The following FAM9C variants were observed in gnomAD, a reference collection of about 807,000 sequenced individuals.
The protein encoded by FAM9C is family with sequence similarity 9 member C, also known as protein FAM9C.
In FAM9C, 15 loss-of-function variants were observed where a neutral mutation model predicts 14.8. That is an observed-to-expected ratio of 1.02 (90% CI 0.68 to 1.56). The LOEUF is 1.56. Ranked by LOEUF, FAM9C falls within the 40% of genes most tolerant of loss-of-function variation. The pLI is 0.00. For missense variants in FAM9C, 116 were observed against 118.0 expected (o/e 0.98, Z 0.08); for synonymous variants, 45 against 37.5 (o/e 1.20, Z -0.74).
At chrX:13,036,841 G>A (rs1275243001) in intron 7 of FAM9C, 1 of 111,962 alleles carries the variant, frequency 8.9e-6, no homozygotes, top group East Asian at 2.8e-4. Context: ...TAACTGCTGT[G>A]GAAGAGCAAC....
Position 13,043,112 on chromosome X carries a change from G to A in FAM9C, c.182+16C>T. The A allele has an allele frequency of 8.3e-7, 1 of 1,199,585 alleles. No individual in the cohort carries two copies. The highest frequency in any genetic ancestry group is 1.1e-6 in the Non-Finnish European group (1 of 891,404). On this transcript the variant is annotated intron_variant, in intron 3 of 7. Coordinates refer to ENST00000380625, the MANE Select transcript of FAM9C (RefSeq NM_174901.6). ...AAGACCTTATCTGACAGGCAAAAGG[G>A]ACTTAAACACTTTACCCCGTGTGTT...
At chrX:13,036,918 CA>C (rs1220638246) in intron 7 of FAM9C, 152 of 94,385 alleles carry the variant, frequency 1.6e-3, no homozygotes, top group South Asian at 5.5e-3. Flanking sequence ...TTCAATCGAT[CA>C]AAAAAAAAAA....
chrX:13,036,674 T>C (rs779969249), intron 7 of FAM9C: 2 of 111,845 alleles, frequency 1.8e-5, no homozygotes, highest in African/African-American at 6.5e-5. Flanking sequence ...GTTTGAAATA[T>C]ATACTATTCT....
At position 13,043,116 on chromosome X, in the gene FAM9C, T is replaced by TA. The variant is rs1569136505; in HGVS notation, c.182+11dup. On this transcript the variant is annotated intron_variant, in intron 3 of 7. Coordinates refer to ENST00000380625, the MANE Select transcript of FAM9C (RefSeq NM_174901.6). ...CCTTATCTGACAGGCAAAAGGGACT[T>TA]AAACACTTTACCCCGTGTGTTCATC... The TA allele has an allele frequency of 8.3e-7, 1 of 1,201,123 alleles. No homozygotes were observed. Among genetic ancestry groups the TA allele is most frequent in the Non-Finnish European group, 1.1e-6 (1 of 892,089 alleles).
chrX:13,042,931 T>C lies in FAM9C; in HGVS notation c.201A>G (p.Leu67=). The part of the protein sequence containing the change: ...DEHTGVDTKE[L]EDIAADIKEH... Reference sequence around the variant, plus strand: ...CGTAAAACATACCTGCAATATCTTCTAGCTCCTTGGTATCAACCCTGTAAC... The same window carrying C: ...CGTAAAACATACCTGCAATATCTTCCAGCTCCTTGGTATCAACCCTGTAAC... Residue 67 remains leucine (L), a synonymous_variant, in exon 4 of 8, where the codon CTA becomes CTG. Transcript: ENST00000380625. 1 of 1,201,215 alleles carries C rather than the reference T, an allele frequency of 8.3e-7. No homozygotes were observed. Among genetic ancestry groups the C allele is most frequent in the Non-Finnish European group, 1.1e-6 (1 of 891,382 alleles).
At chrX:13,043,273 C>T (rs374113404) in intron 2 of FAM9C, 25 bp from the exon 3 acceptor site, 2 of 1,181,670 alleles carry the variant, frequency 1.7e-6, no homozygotes, top group Non-Finnish European at 2.3e-6. Context: ...AAAAGACAAA[C>T]CTTTTTTAGA....
At chrX:13,036,728 T>G (rs749287352) in intron 7 of FAM9C, 1 of 111,703 alleles carries the variant, frequency 9.0e-6, no homozygotes, top group South Asian at 3.7e-4. Flanking sequence ...AAAAGTGGTA[T>G]GTTAATGCTG....
In FAM9C at chrX:13,038,416, C is replaced by T; in HGVS notation, c.*25G>A. 1 of 1,188,482 alleles carries T rather than the reference C, an allele frequency of 8.4e-7. No homozygotes were observed. Among genetic ancestry groups the T allele is most frequent in the Non-Finnish European group, 1.1e-6 (1 of 883,948 alleles). ...TATTGTGTTACCAAATAGAACAGAC[C>T]TTTGTGAATTGCTCGTGTGGTGGCT... On this transcript the variant is annotated splice_region_variant and 3_prime_UTR_variant, in exon 7 of 8. Transcript: ENST00000380625.
intron 7 of FAM9C, chrX:13,037,529 TA>T (rs2043489422): frequency 8.8e-6 from 1 of 113,138 alleles, no homozygotes; most frequent in African/African-American, 3.2e-5. Context: ...TCTATATAAA[TA>T]ACCGTTTTGT....
intron 4 of FAM9C, chrX:13,041,620 TAAAG>T (rs1248844618): frequency 6.2e-5 from 7 of 112,423 alleles, no homozygotes; most frequent in South Asian, 3.6e-4. Flanking sequence ...TAATACACAA[TAAAG>T]AAAGTATTTT....
intron 4 of FAM9C, chrX:13,041,142 T>C (rs1243722025): frequency 5.8e-6 from 1 of 171,908 alleles, no homozygotes; most frequent in African/African-American, 3.1e-5. Flanking sequence ...ATTTTTTAAG[T>C]GTGCAGAAAG....
In FAM9C at chrX:13,039,842, T is replaced by A; in HGVS notation, c.404A>T (p.Asp135Val). The change falls in exon 6 of 8, where the codon GAT (aspartate) becomes GTT (valine). Residue 135 changes from aspartate (D) to valine (V), a missense_variant. Transcript: ENST00000380625. Reference sequence around the variant, plus strand: ...TTCCTTTTCTCCATCTCCTTCCTCATCTTTCTGCTCATCTGTGATGAACTC... The same window carrying A: ...TTCCTTTTCTCCATCTCCTTCCTCAACTTTCTGCTCATCTGTGATGAACTC... ...LEEFITDEQK[D>V]EEGDGEKEEQ... 3.3e-6 allele frequency: 4 copies of A among 1,208,441 alleles called. No homozygotes were observed. The highest frequency in any genetic ancestry group is 4.5e-6 in the Non-Finnish European group (4 of 894,375).
chrX:13,036,153 A>G (rs1455077751), intron 7 of FAM9C, 135 bp from the exon 8 acceptor site: 1 of 112,511 alleles, frequency 8.9e-6, no homozygotes, highest in Non-Finnish European at 1.9e-5. Flanking sequence ...ATTTTGGAAC[A>G]TGGCAATTTA....
At chrX:13,037,454 T>C (rs1284551862) in intron 7 of FAM9C, 1 of 113,034 alleles carries the variant, frequency 8.8e-6, no homozygotes. Context: ...TCTAGTCTCA[T>C]GTTCATACCA....
intron 4 of FAM9C, chrX:13,041,177 CT>C (rs951045006): frequency 0.01 from 1,067 of 105,009 alleles, no homozygotes; most frequent in South Asian, 0.021. Flanking sequence ...ACTTTAATTT[CT>C]TTTTTTTTTT....
chrX:13,039,686 A>C, intron 6 of FAM9C, 122 bp downstream of exon 6: 1 of 1,068,902 alleles, frequency 9.4e-7, no homozygotes, highest in South Asian at 2.7e-5. Context: ...CCATGAGTCC[A>C]CTAATGGGCG....
At position 13,038,403 on chromosome X, in the gene FAM9C, A is replaced by T. The variant is rs2043496925; in HGVS notation, c.*25+13T>A. 1.7e-6 allele frequency: 2 copies of T among 1,154,384 alleles called. No individual in the cohort carries two copies. Among genetic ancestry groups the T allele is most frequent in the African/African-American group, 1.8e-5 (1 of 55,480 alleles). ...TTTTATAAGAACGTATTGTGTTACC[A>T]AATAGAACAGACCTTTGTGAATTGC... is the stretch of plus-strand genomic sequence containing the variant. On this transcript the variant is annotated intron_variant, in intron 7 of 7. Coordinates refer to ENST00000380625, the MANE Select transcript of FAM9C (RefSeq NM_174901.6).
intron 6 of FAM9C, among the ~76,000 whole-genome samples, chrX:13,038,734 G>A (rs748744372): frequency 1.1e-3 from 119 of 111,978 alleles, no homozygotes; most frequent in South Asian, 2.2e-3. Context: ...CAACACATAC[G>A]TCTTAATTCT....
chrX:13,043,682 ACTGT>A (rs2043549271), intron 2 of FAM9C, 43 bp downstream of exon 2: 1 of 1,193,751 alleles, frequency 8.4e-7, no homozygotes, highest in African/African-American at 1.7e-5. Context: ...AAGCAGACAG[ACTGT>A]TGGGCGTGCA....
Sources: gnomAD v4.1 joint callset for allele counts (sites outside exome capture counted in the v4.1 genomes callset) on GRCh38, gnomAD v4.1.1 for gene constraint, MANE v1.5 for transcripts, NCBI Gene and HGNC (gene_info 2026-07-23, HGNC 2026-07-21) for gene names.